DCN: variants seen among roughly 807,000 people sequenced by gnomAD.
The protein encoded by DCN is decorin.
Under a neutral mutation model 36.5 loss-of-function variants are expected in DCN, and 17 were observed. The observed-to-expected ratio is 0.47, with a 90% CI of 0.32 to 0.70. DCN has a LOEUF of 0.70. DCN is among the 30% of genes least tolerant of loss of function. The pLI is 0.04. For missense variants in DCN, 389 were observed against 430.1 expected (o/e 0.90, Z 0.84); for synonymous variants, 163 against 161.4 (o/e 1.01, Z -0.07).
intron 2 of DCN, among the ~76,000 whole-genome samples, chr12:91,170,245 C>A (rs909185664): frequency 3.7e-4 from 57 of 152,098 alleles, no homozygotes; most frequent in African/African-American, 1.3e-3. Flanking sequence ...TATTAATAAG[C>A]AAAATAGAGG....
Position 91,145,715 on chromosome 12 carries a change from C to T in DCN, c.*343G>A, listed in dbSNP as rs1175117156. On this transcript the variant is annotated 3_prime_UTR_variant, in exon 8 of 8. Coordinates refer to ENST00000052754, the MANE Select transcript of DCN (RefSeq NM_001920.5). ...ACTGCTCAATGAATTACAGAAGACTCATACTCTTTTTATTTTTTCCTGGAA... is the reference window on the plus strand; with the variant it reads ...ACTGCTCAATGAATTACAGAAGACTTATACTCTTTTTATTTTTTCCTGGAA... 8 of 405,820 alleles carry T rather than the reference C, an allele frequency of 2.0e-5. 1 individual carries two copies. The highest frequency in any genetic ancestry group is 3.6e-4 in the Middle Eastern group (1 of 2,784). The allele number at this position is 405,820 out of a possible 1,614,324, so 25.1% of individuals were successfully genotyped here. A position where few individuals can be genotyped will look rare whatever the true frequency, so the allele number is the denominator to read the frequency against.
intron 3 of DCN, among the ~76,000 whole-genome samples, 185 bp from the exon 4 acceptor site, chr12:91,158,694 G>A (rs1881958232): frequency 6.6e-6 from 1 of 152,224 alleles, no homozygotes; most frequent in Non-Finnish European, 1.5e-5. Flanking sequence ...AGGTGCGGTG[G>A]CTCATGCCTG....
Position 91,141,773 on chromosome 12 carries a change from C to T in DCN, c.*4285G>A, listed in dbSNP as rs748018729. 5 of 152,136 alleles carry T rather than the reference C, an allele frequency of 3.3e-5. No individual in the cohort carries two copies. Among genetic ancestry groups the T allele is most frequent in the Non-Finnish European group, 7.3e-5 (5 of 68,034 alleles). 9.4% of individuals were successfully genotyped at this position (152,136 alleles called of 1,614,324 possible). A position where few individuals can be genotyped will look rare whatever the true frequency, so the allele number is the denominator to read the frequency against. On this transcript the variant is annotated 3_prime_UTR_variant, in exon 8 of 8. Coordinates refer to ENST00000052754, the MANE Select transcript of DCN (RefSeq NM_001920.5). ...CCTGGAAGCATTCATTCAGCCCTCA[C>T]AGTCACTGCAGAATGTGTGGCCTGG...
At chr12:91,177,388 T>G in intron 2 of DCN, 1 of 574,014 alleles carries the variant, frequency 1.7e-6, no homozygotes, top group Middle Eastern at 3.5e-4. Context: ...CTGAAAGAAG[T>G]GCCTGATCAT....
chr12:91,157,557 AT>A (rs1203780836), intron 4 of DCN, among the ~76,000 whole-genome samples: 1 of 152,186 alleles, frequency 6.6e-6, no homozygotes, highest in African/African-American at 2.4e-5. Context: ...GTATTTTAAA[AT>A]TTTGTTAAAG....
At chr12:91,172,142 T>C (rs1223877851) in intron 2 of DCN, 2 of 146,430 alleles carry the variant, frequency 1.4e-5, no homozygotes, top group African/African-American at 5.5e-5. Flanking sequence ...TAGTAAGAAA[T>C]AGACTTCTTT....
rs2121127239 is a variant in DCN, at chr12:91,146,305, C to A, written c.886-53G>T. 9 of 1,004,766 alleles carry A rather than the reference C, an allele frequency of 9.0e-6. 1 individual carries two copies. The South Asian group carries it at 1.0e-4, about 12-fold the overall frequency. 62.2% of individuals were successfully genotyped at this position (1,004,766 alleles called of 1,614,324 possible). ...TATTATTCTCTAAATATGTTGAGGC[C>A]CTTCAGGTAAACATTTTATTTTTTT... On this transcript the variant is annotated intron_variant, in intron 7 of 7. Transcript: ENST00000052754.
In DCN at chr12:91,151,708, G is replaced by C. The variant is rs1445382589; in HGVS notation, c.831C>G (p.Asp277Glu). Residue 277 changes from aspartate (D) to glutamate (E), a missense_variant, in exon 7 of 8, where the codon GAC becomes GAG. Transcript: ENST00000052754. ...CAGGTACTCTGGTAAGCTTGTTGTT[G>C]TCCAAGTGAAGCTCCCTCAGATGAG... The part of the protein sequence containing the change: ...NTPHLRELHL[D>E]NNKLTRVPGG... 13 of 1,614,054 alleles carry C rather than the reference G, an allele frequency of 8.1e-6. No individual in the cohort carries two copies. The highest frequency in any genetic ancestry group is 1.1e-5 in the Non-Finnish European group (13 of 1,179,974).
chr12:91,173,679 C>G (rs1190892544), intron 2 of DCN, among the ~76,000 whole-genome samples: 1 of 152,180 alleles, frequency 6.6e-6, no homozygotes. Context: ...CAGAGCCAGA[C>G]ATAAATGATA....
intron 3 of DCN, among the ~76,000 whole-genome samples, chr12:91,163,060 A>G (rs1472853738): frequency 2.0e-5 from 3 of 152,228 alleles, no homozygotes; most frequent in East Asian, 1.9e-4. Context: ...TTTCCAGAGT[A>G]TATATTTTGG....
intron 5 of DCN, among the ~76,000 whole-genome samples, chr12:91,153,717 C>G (rs1881585045): frequency 6.6e-6 from 1 of 152,044 alleles, no homozygotes; most frequent in Non-Finnish European, 1.5e-5. Flanking sequence ...AATACCTCTG[C>G]AAAATGTCTG....
At chr12:91,162,298 C>T (rs1245866502) in intron 3 of DCN, among the ~76,000 whole-genome samples, 1 of 152,018 alleles carries the variant, frequency 6.6e-6, no homozygotes, top group Non-Finnish European at 1.5e-5. Context: ...AAAAATTTTT[C>T]TTCCTTTAAA....
rs2121111995 is a variant in DCN, at chr12:91,144,399, TA to T, written c.*1658del. The T allele has an allele frequency of 6.6e-6, 1 of 152,220 alleles. No homozygotes were observed. The highest frequency in any genetic ancestry group is 1.9e-4 in the East Asian group (1 of 5,176). 9.4% of individuals were successfully genotyped at this position (152,220 alleles called of 1,614,324 possible). A position where few individuals can be genotyped will look rare whatever the true frequency, so the allele number is the denominator to read the frequency against. ...CCTTGAATTCCTGAATGTCTTCCAA[TA>T]GAAACCACCTATTCAACTGTAGTCA... On this transcript the variant is annotated 3_prime_UTR_variant, in exon 8 of 8. Coordinates refer to ENST00000052754, the MANE Select transcript of DCN (RefSeq NM_001920.5).
chr12:91,177,454 T>A (rs1361403567), intron 2 of DCN: 4 of 640,742 alleles, frequency 6.2e-6, no homozygotes, highest in African/African-American at 1.8e-5. Flanking sequence ...ATATAAAGAT[T>A]TTTTTTTCTT....
chr12:91,142,159 G>A lies in DCN; in HGVS notation c.*3899C>T, dbSNP rs1880773254. The A allele has an allele frequency of 6.6e-6, 1 of 152,174 alleles. No individual in the cohort carries two copies. Among genetic ancestry groups the A allele is most frequent in the Admixed American group, 6.6e-5 (1 of 15,258 alleles). 9.4% of individuals were successfully genotyped at this position (152,174 alleles called of 1,614,324 possible). ...ACTAGAAGGAATGTTTTAGCAATAA[G>A]TGTGGAAACTTAAAATTGAGCAGCA... On this transcript the variant is annotated 3_prime_UTR_variant, in exon 8 of 8. Transcript: ENST00000052754.
rs1881944468 is a variant in DCN at position 91,158,466 on chromosome 12, C to G, written c.368G>C (p.Gly123Ala). Residue 123 changes from glycine (G) to alanine (A), a missense_variant, in exon 4 of 8, where the codon GGA becomes GCA. By Grantham distance (60) the Gly-to-Ala change is moderately conservative. Coordinates refer to ENST00000052754, the MANE Select transcript of DCN (RefSeq NM_001920.5). ...CAACTTCACCAAAGGTGTAAATGCT[C>G]CAGGACTAACTTTGCTAATTTTATT... ...VNNKISKVSP[G>A]AFTPLVKLER... The G allele has an allele frequency of 6.2e-7, 1 of 1,606,004 alleles. No homozygotes were observed. Among genetic ancestry groups the G allele is most frequent in the East Asian group, 2.2e-5 (1 of 44,826 alleles).
At chr12:91,178,729 A>C (rs1028071525) in intron 1 of DCN, 144 bp from the exon 2 acceptor site, 8 of 657,108 alleles carry the variant, frequency 1.2e-5, no homozygotes, top group Admixed American at 4.6e-5. Context: ...AGCATTAAAA[A>C]TGTATTGAAA....
chr12:91,166,128 T>A (rs1326803157), intron 2 of DCN, among the ~76,000 whole-genome samples: 1 of 152,148 alleles, frequency 6.6e-6, no homozygotes, highest in Non-Finnish European at 1.5e-5. Context: ...TTTTTTTATT[T>A]ATAATATCAC....
At position 91,141,720 on chromosome 12, in the gene DCN, T is replaced by C. The variant is rs1174416969; in HGVS notation, c.*4338A>G. On this transcript the variant is annotated 3_prime_UTR_variant, in exon 8 of 8. Transcript: ENST00000052754. ...ATTTTTGAGTGTATTTTAAAATTGA[T>C]TTGTGTTTCTATGCTTGTTCCTGAT... 1.3e-5 allele frequency: 2 copies of C among 152,128 alleles called. No homozygotes were observed. Among genetic ancestry groups the C allele is most frequent in the African/African-American group, 4.8e-5 (2 of 41,428 alleles). The allele number at this position is 152,128 out of a possible 1,614,324, so 9.4% of individuals were successfully genotyped here.
Sources: allele counts gnomAD v4.1 joint callset (sites outside exome capture counted in the v4.1 genomes callset), GRCh38; gene constraint gnomAD v4.1.1; transcripts MANE v1.5; gene names NCBI Gene and HGNC (gene_info 2026-07-23, HGNC 2026-07-21).